UBE2D3: variants seen among roughly 807,000 people sequenced by gnomAD.
The protein encoded by UBE2D3 is ubiquitin-conjugating enzyme E2 D3.
Under a neutral mutation model 22.8 loss-of-function variants are expected in UBE2D3, and 2 were observed. That is an observed-to-expected ratio of 0.09 (90% CI 0.04 to 0.28). The LOEUF (loss-of-function observed/expected upper bound fraction) is 0.28. UBE2D3 is among the 10% of genes least tolerant of loss of function. The pLI is 1.00. For synonymous variants in UBE2D3, 56 were observed against 60.4 expected, an observed-to-expected ratio of 0.93 and a Z score of 0.34; for missense variants, 27 against 182.5, an observed-to-expected ratio of 0.15 and a Z score of 4.91.
intron 2 of UBE2D3, among the ~76,000 whole-genome samples, chr4:102,818,056 A>AT (rs1486186029): frequency 2.0e-5 from 3 of 152,082 alleles, no homozygotes; most frequent in East Asian, 3.9e-4. Context: ...CACCTGTAAA[A>AT]TTTTTTTATA....
intron 2 of UBE2D3, among the ~76,000 whole-genome samples, chr4:102,823,888 C>A (rs1730023306): frequency 1.3e-5 from 2 of 152,156 alleles, no homozygotes; most frequent in South Asian, 2.1e-4. Flanking sequence ...ACAGATATAT[C>A]ATAATACTTG....
chr4:102,806,474 T>C (rs1727058540), intron 4 of UBE2D3, among the ~76,000 whole-genome samples: 2 of 152,126 alleles, frequency 1.3e-5, no homozygotes, highest in African/African-American at 2.4e-5. Flanking sequence ...ATCAGTAACC[T>C]ACGTGGGAAA....
chr4:102,848,602 A>G (rs1158382749), intron 1 of UBE2D3, among the ~76,000 whole-genome samples: 1 of 152,130 alleles, frequency 6.6e-6, no homozygotes, highest in African/African-American at 2.4e-5. Flanking sequence ...CCGAGATCAC[A>G]CCATTGCACT....
chr4:102,828,398 T>G (rs537767930), upstream of UBE2D3, among the ~76,000 whole-genome samples: 2 of 151,900 alleles, frequency 1.3e-5, no homozygotes, highest in Non-Finnish European at 2.9e-5. Flanking sequence ...AATAGTAGTT[T>G]TAAATAGACC....
At chr4:102,817,859 G>C (rs891461763) in intron 2 of UBE2D3, among the ~76,000 whole-genome samples, 1 of 152,120 alleles carries the variant, frequency 6.6e-6, no homozygotes, top group African/African-American at 2.4e-5. Flanking sequence ...CCCATACTCA[G>C]CATTTTTAAA....
chr4:102,840,939 C>T (rs1474002149), intron 1 of UBE2D3, among the ~76,000 whole-genome samples: 1 of 151,750 alleles, frequency 6.6e-6, no homozygotes, highest in Non-Finnish European at 1.5e-5. Context: ...ATCGCTTGAA[C>T]CCAGGAGGCA....
In UBE2D3 at chr4:102,860,506, C is replaced by T. The variant is rs751944022; in HGVS notation, c.-129+8209G>A. 5.1e-4 allele frequency among the ~76,000 whole-genome samples: 77 copies of T among 151,750 alleles called. 1 individual carries two copies. The highest frequency in any genetic ancestry group is 1.3e-4 in the Admixed American group (2 of 15,226). ...AGTCACTTCCTCCAGTCTTTACTGACTAGCTTCAGAAGGGAAAGACGTTCA... is the reference window on the plus strand; with the variant it reads ...AGTCACTTCCTCCAGTCTTTACTGATTAGCTTCAGAAGGGAAAGACGTTCA... On this transcript the variant is annotated intron_variant, in intron 1 of 7. Coordinates refer to the UBE2D3 transcript ENST00000338145.
intron 6 of UBE2D3, among the ~76,000 whole-genome samples, chr4:102,799,973 C>T (rs1159894694): frequency 2.0e-5 from 3 of 151,928 alleles, no homozygotes; most frequent in African/African-American, 7.2e-5. Context: ...CTAAATGTCT[C>T]CTTGAACTTG....
chr4:102,865,457 A>G (rs935627901), intron 1 of UBE2D3, among the ~76,000 whole-genome samples: 4 of 148,350 alleles, frequency 2.7e-5, no homozygotes, highest in Admixed American at 2.1e-4. Flanking sequence ...GCGCCATTGC[A>G]CTCCAGCCTG....
chr4:102,803,669 T>C lies in UBE2D3; in HGVS notation c.121-1031A>G, dbSNP rs375071092. On this transcript the variant is annotated intron_variant, in intron 4 of 7. Coordinates refer to ENST00000453744, the MANE Select transcript of UBE2D3 (RefSeq NM_181891.3). The stretch of plus-strand genomic sequence containing the variant: ...GTAAAGTAACTGCAATGAAATGTTA[T>C]AGGTATCATGAAATATGAACAAGGG... Among the ~76,000 whole-genome samples, 4 of 152,228 alleles carry C rather than the reference T, an allele frequency of 2.6e-5. No individual in the cohort carries two copies. The East Asian group carries it at 5.8e-4, about 22-fold the overall frequency.
intron 6 of UBE2D3, among the ~76,000 whole-genome samples, chr4:102,799,865 G>GT (rs891408188): frequency 6.7e-6 from 1 of 150,320 alleles, no homozygotes; most frequent in Non-Finnish European, 1.5e-5. Flanking sequence ...GAATATGCAG[G>GT]TAACACTCAT....
intron 1 of UBE2D3, among the ~76,000 whole-genome samples, chr4:102,833,830 C>A (rs951209544): frequency 6.6e-6 from 1 of 152,026 alleles, no homozygotes; most frequent in Non-Finnish European, 1.5e-5. Flanking sequence ...GCTTTAAAAC[C>A]CACCCTCCCT....
intron 2 of UBE2D3, among the ~76,000 whole-genome samples, chr4:102,820,529 C>T (rs1359266640): frequency 2.0e-5 from 3 of 152,244 alleles, no homozygotes; most frequent in South Asian, 2.1e-4. Flanking sequence ...AACAAGCATG[C>T]GTGTTCATTA....
intron 1 of UBE2D3, among the ~76,000 whole-genome samples, chr4:102,859,879 T>C (rs1406374252): frequency 6.6e-6 from 1 of 151,110 alleles, no homozygotes; most frequent in African/African-American, 2.4e-5. Context: ...GGAGTCTCGC[T>C]CTGTCACCCA....
intron 1 of UBE2D3, among the ~76,000 whole-genome samples, chr4:102,859,125 G>T (rs1732761871): frequency 6.6e-6 from 1 of 151,880 alleles, no homozygotes; most frequent in African/African-American, 2.4e-5. Context: ...CTCAGCTTTT[G>T]TTTTTGTGGA....
At chr4:102,841,592 T>C (rs1731759216) in intron 1 of UBE2D3, among the ~76,000 whole-genome samples, 1 of 152,176 alleles carries the variant, frequency 6.6e-6, no homozygotes, top group Non-Finnish European at 1.5e-5. Flanking sequence ...TATAACAGTT[T>C]ATACATTTTA....
Position 102,826,494 on chromosome 4 carries a change from C to T in UBE2D3, c.15G>A (p.Arg5=), listed in dbSNP as rs1354120147. 1 of 1,613,846 alleles carries T rather than the reference C, an allele frequency of 6.2e-7. No homozygotes were observed. Among genetic ancestry groups the T allele is most frequent in the East Asian group, 2.2e-5 (1 of 44,866 alleles). The change falls in exon 2 of 8, where the codon CGG becomes CGA. Residue 5 remains arginine (R), a synonymous_variant. Coordinates refer to ENST00000453744, the MANE Select transcript of UBE2D3 (RefSeq NM_181891.3). MALK[R]INKELSDLAR... The stretch of plus-strand genomic sequence containing the variant: ...TGTCCCCGCGGGTTACCTTATTAAT[C>T]CGTTTCAGCGCCATAGTGTGTGCTT...
At chr4:102,867,747 T>C (rs922900265) in intron 1 of UBE2D3, among the ~76,000 whole-genome samples, 1 of 152,016 alleles carries the variant, frequency 6.6e-6, no homozygotes, top group African/African-American at 2.4e-5. Context: ...CGGTGAGCTA[T>C]GATCTGACCA....
chr4:102,849,364 CAAAAAAAA>C, intron 1 of UBE2D3, among the ~76,000 whole-genome samples: 1 of 63,258 alleles, frequency 1.6e-5, no homozygotes, highest in African/African-American at 5.4e-5. Flanking sequence ...ACCCCTGTCT[CAAAAAAAA>C]AAAAAAAAAA....
Sources: gnomAD v4.1 joint callset for allele counts (sites outside exome capture counted in the v4.1 genomes callset) on GRCh38, gnomAD v4.1.1 for gene constraint, MANE v1.5 for transcripts, NCBI Gene and HGNC (gene_info 2026-07-23, HGNC 2026-07-21) for gene names.